The following PPM1E variants were observed in gnomAD, a reference collection of about 807,000 sequenced individuals.
PPM1E encodes protein phosphatase 1E.
PPM1E carries 20 observed loss-of-function variants against 65.9 expected under a neutral mutation model. That is an observed-to-expected ratio of 0.30 (90% confidence interval 0.21 to 0.44). The LOEUF is 0.44. PPM1E is among the 20% of genes least tolerant of loss of function. The pLI, the probability that PPM1E is intolerant of heterozygous loss-of-function variation, is 1.00. For synonymous variants in PPM1E, 352 were observed against 374.9 expected (o/e 0.94, Z 0.70); for missense variants, 713 against 953.1 (o/e 0.75, Z 3.32).
At chr17:58,867,981 A>G (rs2051024523) in intron 1 of PPM1E, among the ~76,000 whole-genome samples, 1 of 152,138 alleles carries the variant, frequency 6.6e-6, no homozygotes, top group Admixed American at 6.5e-5. Flanking sequence ...AAGGAATAAG[A>G]CTCTGTAAGA....
chr17:58,850,037 C>T (rs1270895152), intron 1 of PPM1E, among the ~76,000 whole-genome samples: 2 of 152,116 alleles, frequency 1.3e-5, no homozygotes, highest in Admixed American at 6.5e-5. Flanking sequence ...TATGTAATGG[C>T]CTTCTTTGTC....
chr17:58,838,481 T>A (rs980664085), intron 1 of PPM1E, among the ~76,000 whole-genome samples: 1 of 152,136 alleles, frequency 6.6e-6, no homozygotes, highest in Middle Eastern at 3.2e-3. Flanking sequence ...GAGATACCAT[T>A]AAAGTCTGTT....
In PPM1E at chr17:58,798,854, C is replaced by T. The variant is rs1004483107; in HGVS notation, c.464+42393C>T. On this transcript the variant is annotated intron_variant, in intron 1 of 6. Coordinates refer to ENST00000308249, the MANE Select transcript of PPM1E (RefSeq NM_014906.5). Reference sequence around the variant, plus strand: ...GATTACAGATGCATGCCACCATGCTCGGCTAAATTTTGTATTTTTAGTAGA... The same window carrying T: ...GATTACAGATGCATGCCACCATGCTTGGCTAAATTTTGTATTTTTAGTAGA... Among the ~76,000 whole-genome samples the T allele has an allele frequency of 7.2e-5, 11 of 151,862 alleles. No individual in the cohort carries two copies. In the East Asian group the frequency reaches 7.7e-4, roughly 11 times the overall value.
intron 1 of PPM1E, among the ~76,000 whole-genome samples, chr17:58,875,807 G>A (rs1352642768): frequency 6.6e-6 from 1 of 151,984 alleles, no homozygotes; most frequent in East Asian, 1.9e-4. Flanking sequence ...CAGGAAAGGG[G>A]GAAAACACAG....
At chr17:58,841,661 G>A (rs919626968) in intron 1 of PPM1E, among the ~76,000 whole-genome samples, 5 of 151,574 alleles carry the variant, frequency 3.3e-5, no homozygotes, top group Non-Finnish European at 5.9e-5. Flanking sequence ...GAGTAGCTGG[G>A]ATTACAGGTG....
At chr17:58,966,238 G>T in intron 3 of PPM1E, 1 of 373,462 alleles carries the variant, frequency 2.7e-6, no homozygotes. Context: ...GATTAGGCTG[G>T]GTGTGGTAGC....
At chr17:58,926,675 T>C (rs1476422796) in intron 1 of PPM1E, among the ~76,000 whole-genome samples, 2 of 152,206 alleles carry the variant, frequency 1.3e-5, no homozygotes, top group South Asian at 2.1e-4. Flanking sequence ...AGCTTGAAAT[T>C]TTAAGAGAAG....
intron 1 of PPM1E, among the ~76,000 whole-genome samples, chr17:58,814,168 A>G (rs1012081525): frequency 6.6e-6 from 1 of 152,226 alleles, no homozygotes; most frequent in African/African-American, 2.4e-5. Context: ...GTCATTAAGA[A>G]TATAGCTTCT....
At chr17:58,938,348 G>A (rs1406522994) in intron 1 of PPM1E, among the ~76,000 whole-genome samples, 1 of 152,090 alleles carries the variant, frequency 6.6e-6, no homozygotes, top group Admixed American at 6.6e-5. Flanking sequence ...TTATATTTCT[G>A]CTCTAATTTC....
intron 3 of PPM1E, 198 bp from the exon 4 acceptor site, chr17:58,969,341 G>A: frequency 1.5e-6 from 1 of 688,464 alleles, no homozygotes; most frequent in Admixed American, 2.0e-5. Context: ...GTTCTGGTGT[G>A]TAAACACAGA....
intron 1 of PPM1E, among the ~76,000 whole-genome samples, chr17:58,812,482 T>C (rs1366308927): frequency 2.0e-5 from 3 of 152,064 alleles, no homozygotes; most frequent in Non-Finnish European, 2.9e-5. Context: ...TCACCTGAGG[T>C]GCCTAGAAGT....
intron 4 of PPM1E, among the ~76,000 whole-genome samples, chr17:58,971,206 G>A (rs1567894584): frequency 1.3e-5 from 2 of 152,128 alleles, no homozygotes; most frequent in South Asian, 2.1e-4. Flanking sequence ...TTTATCATGT[G>A]TTCTAGGGGG....
intron 2 of PPM1E, among the ~76,000 whole-genome samples, chr17:58,960,484 G>A (rs2029995401): frequency 6.6e-6 from 1 of 152,124 alleles, no homozygotes; most frequent in African/African-American, 2.4e-5. Flanking sequence ...AACAATTAAA[G>A]CAAAGTTCTG....
At chr17:58,759,750 A>G (rs2144132249) in intron 1 of PPM1E, among the ~76,000 whole-genome samples, 1 of 152,370 alleles carries the variant, frequency 6.6e-6, no homozygotes, top group East Asian at 1.9e-4. Context: ...GATGGCTTGC[A>G]GTAATAATGA....
intron 1 of PPM1E, among the ~76,000 whole-genome samples, chr17:58,916,407 G>T (rs2051683726): frequency 6.6e-6 from 1 of 152,100 alleles, no homozygotes; most frequent in Non-Finnish European, 1.5e-5. Flanking sequence ...ACAGGCCTTT[G>T]CTTATGAATT....
At chr17:58,889,977 G>A (rs751110361) in intron 1 of PPM1E, among the ~76,000 whole-genome samples, 21 of 152,128 alleles carry the variant, frequency 1.4e-4, no homozygotes, top group Non-Finnish European at 2.2e-4. Flanking sequence ...AATTGTAGTC[G>A]AAGAAGCATG....
intron 1 of PPM1E, among the ~76,000 whole-genome samples, chr17:58,826,261 C>T (rs1369463495): frequency 6.8e-6 from 1 of 148,128 alleles, no homozygotes; most frequent in African/African-American, 2.5e-5. Context: ...GGCTCCACTG[C>T]ACTCCAGCCT....
intron 1 of PPM1E, among the ~76,000 whole-genome samples, chr17:58,867,050 G>A (rs962073354): frequency 1.3e-5 from 2 of 152,004 alleles, no homozygotes; most frequent in African/African-American, 2.4e-5. Flanking sequence ...GTATGATCTC[G>A]GCTCACTGCA....
rs1217402088 is a variant in PPM1E, at chr17:58,833,860, A to G, written c.464+77399A>G. 2.0e-5 allele frequency among the ~76,000 whole-genome samples: 3 copies of G among 152,214 alleles called. No homozygotes were observed. In the East Asian group the frequency reaches 5.8e-4, roughly 29 times the overall value. On this transcript the variant is annotated intron_variant, in intron 1 of 6. Transcript: ENST00000308249. Reference sequence around the variant, plus strand: ...TAATTTGCATTCTCACCAACAGTGTATAAGTGTTCCCTTTTCTCCACAGCC... The same window carrying G: ...TAATTTGCATTCTCACCAACAGTGTGTAAGTGTTCCCTTTTCTCCACAGCC...
Sources: gnomAD v4.1 joint callset for allele counts (sites outside exome capture counted in the v4.1 genomes callset) on GRCh38, gnomAD v4.1.1 for gene constraint, MANE v1.5 for transcripts, NCBI Gene and HGNC (gene_info 2026-07-23, HGNC 2026-07-21) for gene names.